NCKAP5: variants seen among roughly 807,000 people sequenced by gnomAD.
NCKAP5 encodes nck-associated protein 5.
A neutral mutation model predicts 167.0 loss-of-function variants in NCKAP5; 92 were observed. The ratio of observed to expected loss-of-function variants is 0.55; its 90% CI spans 0.47 to 0.66. The LOEUF is 0.66. NCKAP5 is among the 30% of genes least tolerant of loss of function. The pLI, the probability that NCKAP5 is intolerant of heterozygous loss-of-function variation, is 0.00. For missense variants in NCKAP5, 2,378 were observed against 2,315.0 expected (o/e 1.03, Z -0.56); for synonymous variants, 891 against 877.4 (o/e 1.02, Z -0.27).
chr2:133,238,423 T>C (rs1197258082), intron 4 of NCKAP5, among the ~76,000 whole-genome samples: 3 of 152,160 alleles, frequency 2.0e-5, no homozygotes, highest in Non-Finnish European at 1.5e-5. Flanking sequence ...TATAGCATTC[T>C]CTCTATGACT....
chr2:133,351,110 G>A lies in NCKAP5; in HGVS notation c.70-48000C>T, dbSNP rs111560986. On this transcript the variant is annotated intron_variant, in intron 3 of 19. Coordinates refer to ENST00000409261, the MANE Select transcript of NCKAP5 (RefSeq NM_207363.3). Reference sequence around the variant, plus strand: ...TGTGTTTGTAGAACATCACATCCCCGGAGCCAGCATGAAGCTGGTGGACAA... The same window carrying A: ...TGTGTTTGTAGAACATCACATCCCCAGAGCCAGCATGAAGCTGGTGGACAA... Among the ~76,000 whole-genome samples, 227 of 152,198 alleles carry A rather than the reference G, an allele frequency of 1.5e-3. 2 individuals carry two copies. The highest frequency in any genetic ancestry group is 5.2e-3 in the African/African-American group (216 of 41,536).
chr2:132,822,998 A>G (rs911945210), intron 11 of NCKAP5, among the ~76,000 whole-genome samples: 3 of 152,194 alleles, frequency 2.0e-5, no homozygotes, highest in Admixed American at 2.0e-4. Flanking sequence ...CCAATCAGAC[A>G]AAGACAATGA....
At chr2:133,371,737 G>A (rs1685818400) in intron 3 of NCKAP5, among the ~76,000 whole-genome samples, 1 of 152,134 alleles carries the variant, frequency 6.6e-6, no homozygotes, top group Non-Finnish European at 1.5e-5. Flanking sequence ...AAGAATGGGA[G>A]CCACTCCCTC....
intron 3 of NCKAP5, among the ~76,000 whole-genome samples, chr2:133,482,626 T>C (rs925354496): frequency 6.6e-6 from 1 of 152,232 alleles, no homozygotes; most frequent in Non-Finnish European, 1.5e-5. Flanking sequence ...ATTTCTCTAA[T>C]ATATTGATTT....
At chr2:132,891,982 G>A (rs956404824) in intron 8 of NCKAP5, among the ~76,000 whole-genome samples, 8 of 152,212 alleles carry the variant, frequency 5.3e-5, no homozygotes, top group African/African-American at 1.9e-4. Context: ...CCTCTGTATG[G>A]TTTGGTGAAT....
intron 3 of NCKAP5, among the ~76,000 whole-genome samples, chr2:133,360,444 A>T (rs952460987): frequency 6.6e-6 from 1 of 152,188 alleles, no homozygotes; most frequent in Non-Finnish European, 1.5e-5. Context: ...CCCAGTGTAG[A>T]AATCTAACAG....
intron 2 of NCKAP5, among the ~76,000 whole-genome samples, chr2:133,552,226 C>G (rs1401567919): frequency 1.0e-5 from 1 of 99,658 alleles, no homozygotes; most frequent in Non-Finnish European, 2.0e-5. Context: ...ACCATTTGAC[C>G]CAGCCATCCC....
intron 4 of NCKAP5, among the ~76,000 whole-genome samples, chr2:133,223,487 G>A (rs956624341): frequency 4.6e-5 from 7 of 152,236 alleles, no homozygotes; most frequent in East Asian, 1.9e-4. Flanking sequence ...GACCAGCGAC[G>A]GCAGTCCCTG....
intron 6 of NCKAP5, among the ~76,000 whole-genome samples, chr2:133,051,598 T>C (rs2079609597): frequency 2.0e-5 from 3 of 152,150 alleles, no homozygotes; most frequent in Admixed American, 2.0e-4. Context: ...CGAGTTTTCA[T>C]GCTGAGCACC....
rs148956049 is a variant in NCKAP5, at chr2:132,816,116, A to G, written c.808-19387T>C. Among the ~76,000 whole-genome samples the G allele has an allele frequency of 8.4e-3, 1,279 of 152,184 alleles. 13 individuals carry two copies. Among genetic ancestry groups the G allele is most frequent in the Non-Finnish European group, 0.014 (926 of 68,010 alleles). ...TACCAATACTAGCTCACAGGGGCTTACCGGAAATTTCAAATTCAAGAGATG... is the reference window on the plus strand; with the variant it reads ...TACCAATACTAGCTCACAGGGGCTTGCCGGAAATTTCAAATTCAAGAGATG... On this transcript the variant is annotated intron_variant, in intron 11 of 19. Transcript: ENST00000409261.
chr2:132,843,697 G>A (rs944949861), intron 11 of NCKAP5, among the ~76,000 whole-genome samples: 1 of 151,602 alleles, frequency 6.6e-6, no homozygotes, highest in African/African-American at 2.4e-5. Context: ...ACATTTTAGT[G>A]TCAAGTTGGT....
chr2:132,845,375 A>G (rs956326395), intron 11 of NCKAP5, among the ~76,000 whole-genome samples: 1 of 152,160 alleles, frequency 6.6e-6, no homozygotes, highest in African/African-American at 2.4e-5. Flanking sequence ...CCAATACACT[A>G]AAATTAAAAC....
At position 132,714,672 on chromosome 2, in the gene NCKAP5, C is replaced by G. The variant is rs1689185253; in HGVS notation, c.5713+10955G>C. 3.3e-5 allele frequency among the ~76,000 whole-genome samples: 5 copies of G among 152,032 alleles called. 2 individuals carry two copies. The highest frequency in any genetic ancestry group is 2.6e-4 in the Admixed American group (4 of 15,238). ...ATCTCTACTAAAAATACAAAATTAG[C>G]CGGGCATGGTGGCGCATGCCTCTAA... is the stretch of plus-strand genomic sequence containing the variant. On this transcript the variant is annotated intron_variant, in intron 19 of 19. Coordinates refer to ENST00000409261, the MANE Select transcript of NCKAP5 (RefSeq NM_207363.3).
chr2:132,794,479 C>A (rs1341247614), intron 12 of NCKAP5, among the ~76,000 whole-genome samples: 1 of 150,982 alleles, frequency 6.6e-6, no homozygotes, highest in Non-Finnish European at 1.5e-5. Flanking sequence ...CTAAAAAATA[C>A]AAAAAATTTA....
chr2:133,025,605 C>T (rs1195123411), intron 6 of NCKAP5, among the ~76,000 whole-genome samples: 2 of 152,116 alleles, frequency 1.3e-5, no homozygotes, highest in East Asian at 3.9e-4. Flanking sequence ...ATCAACACTC[C>T]ACTAAATGTT....
chr2:133,356,982 G>A (rs907716709), intron 3 of NCKAP5, among the ~76,000 whole-genome samples: 4 of 152,114 alleles, frequency 2.6e-5, no homozygotes, highest in Non-Finnish European at 4.4e-5. Flanking sequence ...AACTTGAAAA[G>A]CAAGACTTGG....
intron 8 of NCKAP5, among the ~76,000 whole-genome samples, chr2:132,959,069 T>A (rs1490272126): frequency 1.4e-5 from 2 of 146,518 alleles, no homozygotes; most frequent in Admixed American, 6.9e-5. Flanking sequence ...ATAAATATAT[T>A]AATAATATAT....
At chr2:133,672,270 G>T in the NCKAP5 span, among the ~76,000 whole-genome samples, 1 of 152,164 alleles carries the variant, frequency 6.6e-6, no homozygotes, top group Non-Finnish European at 1.5e-5. Flanking sequence ...GAGCATCTTT[G>T]GAAATTTGGG....
intron 8 of NCKAP5, among the ~76,000 whole-genome samples, chr2:132,944,821 G>C (rs1407059925): frequency 6.6e-6 from 1 of 152,152 alleles, no homozygotes; most frequent in East Asian, 1.9e-4. Context: ...CATGTCATAG[G>C]ATTTTCTCTT....
Sources: gnomAD v4.1 joint callset for allele counts (sites outside exome capture counted in the v4.1 genomes callset) on GRCh38, gnomAD v4.1.1 for gene constraint, MANE v1.5 for transcripts, NCBI Gene and HGNC (gene_info 2026-07-23, HGNC 2026-07-21) for gene names.